Variants in GALNT17 observed in about 807,000 individuals in gnomAD.
GALNT17 encodes polypeptide N-acetylgalactosaminyltransferase 17, also known as UDP-GalNAc:polypeptide N-acetylgalactosaminyltransferase-like 3.
In GALNT17, 29 loss-of-function variants were observed where a neutral mutation model predicts 63.7. The observed-to-expected ratio is 0.46, with a 90% CI of 0.34 to 0.62. The LOEUF is 0.62. Ranked by LOEUF, GALNT17 falls within the 20% of genes least tolerant of loss-of-function variation. GALNT17 has a pLI of 0.01. For synonymous variants in GALNT17, 305 were observed against 318.3 expected (o/e 0.96, Z 0.45); for missense variants, 603 against 799.6 (o/e 0.75, Z 2.97).
At chr7:71,486,865 A>AC (rs1033524894) in intron 5 of GALNT17, among the ~76,000 whole-genome samples, 69 of 151,910 alleles carry the variant, frequency 4.5e-4, no homozygotes, top group African/African-American at 1.6e-3. Context: ...CCTGTCCAAA[A>AC]AAAAAAAACA....
intron 1 of GALNT17, among the ~76,000 whole-genome samples, chr7:71,139,172 G>A (rs1039232420): frequency 2.0e-5 from 3 of 152,104 alleles, no homozygotes; most frequent in African/African-American, 4.8e-5. Flanking sequence ...ACACAGCTAG[G>A]GAAGGGCAGA....
At chr7:71,274,454 A>AT in intron 1 of GALNT17, among the ~76,000 whole-genome samples, 1 of 151,872 alleles carries the variant, frequency 6.6e-6, no homozygotes, top group Non-Finnish European at 1.5e-5. Flanking sequence ...CAATTTTAAA[A>AT]TTTTTTGTAG....
At chr7:71,588,340 G>GT (rs1381571686) in intron 6 of GALNT17, among the ~76,000 whole-genome samples, 3 of 152,118 alleles carry the variant, frequency 2.0e-5, no homozygotes, top group African/African-American at 7.2e-5. Context: ...ATACTAACAA[G>GT]TTGATTGGAT....
intron 6 of GALNT17, among the ~76,000 whole-genome samples, chr7:71,638,504 C>T (rs1220152949): frequency 6.6e-6 from 1 of 152,112 alleles, no homozygotes; most frequent in Non-Finnish European, 1.5e-5. Context: ...TAGGAAAGGG[C>T]TTCTGGAAGA....
chr7:71,365,689 A>G (rs1279652411), intron 2 of GALNT17, among the ~76,000 whole-genome samples: 1 of 152,076 alleles, frequency 6.6e-6, no homozygotes, highest in Non-Finnish European at 1.5e-5. Context: ...TTTTAATTTA[A>G]AGAAAGTATC....
At chr7:71,388,470 G>A (rs1200125738) in intron 3 of GALNT17, 69 bp downstream of exon 3, 4 of 1,543,426 alleles carry the variant, frequency 2.6e-6, no homozygotes, top group African/African-American at 1.4e-5. Context: ...TCATTCCAAC[G>A]CGAGCCCGAG....
At chr7:71,433,406 G>A (rs1341018100) in intron 5 of GALNT17, among the ~76,000 whole-genome samples, 1 of 152,232 alleles carries the variant, frequency 6.6e-6, no homozygotes, top group Non-Finnish European at 1.5e-5. Flanking sequence ...TGGGGCTTTG[G>A]GGTAGAAGTG....
intron 6 of GALNT17, among the ~76,000 whole-genome samples, chr7:71,572,516 A>AC (rs201662668): frequency 0.037 from 3,628 of 99,348 alleles, 144 homozygotes; most frequent in African/African-American, 0.076. Context: ...AAAAAAAAAA[A>AC]AAAAAAAAAA....
rs371371505 is a variant in GALNT17, at chr7:71,482,079, A to ATGTGTGTGTGTGTGTGTGTG, written c.962+60975_962+60976insGTGTGTGTGTGTGTGTGTGT. On this transcript the variant is annotated intron_variant, in intron 5 of 10. Transcript: ENST00000333538. ...TTGATGTATAGGTATACATATATGT[A>ATGTGTGTGTGTGTGTGTGTG]TATGTGTGTGTGTGTGTGTGTGTGT... 8.4e-4 allele frequency among the ~76,000 whole-genome samples: 115 copies of ATGTGTGTGTGTGTGTGTGTG among 136,868 alleles called. 2 individuals are homozygous for ATGTGTGTGTGTGTGTGTGTG. In the South Asian group the frequency reaches 0.011, roughly 13 times the overall value. The allele number at this position is 136,868 out of a possible 152,430, so 89.8% of individuals were successfully genotyped here.
intron 6 of GALNT17, among the ~76,000 whole-genome samples, chr7:71,642,617 C>T (rs563890295): frequency 6.6e-6 from 1 of 152,190 alleles, no homozygotes; most frequent in South Asian, 2.1e-4. Flanking sequence ...AGGTGGATCA[C>T]TTGAGGTCAG....
chr7:71,421,622 A>G (rs988153898), intron 5 of GALNT17, among the ~76,000 whole-genome samples: 2 of 152,116 alleles, frequency 1.3e-5, no homozygotes, highest in Admixed American at 1.3e-4. Flanking sequence ...GGAGATCAAT[A>G]TCTTGAGGCA....
intron 6 of GALNT17, among the ~76,000 whole-genome samples, chr7:71,578,811 C>T (rs371220863): frequency 1.2e-4 from 19 of 152,212 alleles, no homozygotes; most frequent in South Asian, 8.3e-4. Flanking sequence ...TCCTGATCCC[C>T]GCCCTAGCCA....
At chr7:71,636,093 A>G (rs1450113689) in intron 6 of GALNT17, among the ~76,000 whole-genome samples, 2 of 152,192 alleles carry the variant, frequency 1.3e-5, no homozygotes, top group Non-Finnish European at 2.9e-5. Context: ...CTCTGGTTCA[A>G]ACGCCTCTGA....
chr7:71,289,510 C>T (rs774181562), intron 1 of GALNT17, among the ~76,000 whole-genome samples: 1 of 151,746 alleles, frequency 6.6e-6, no homozygotes, highest in African/African-American at 2.4e-5. Context: ...CCGAGGAGGG[C>T]GGATCACTTG....
chr7:71,307,115 C>T lies in GALNT17; in HGVS notation c.239-28435C>T, dbSNP rs559190750. On this transcript the variant is annotated intron_variant, in intron 1 of 10. Coordinates refer to ENST00000333538, the MANE Select transcript of GALNT17 (RefSeq NM_022479.3). ...CTGGGATGACAAGCGTGAGCCACCA[C>T]CCCTGGTCCCTGCTTTCATTTCTTT... Among the ~76,000 whole-genome samples the T allele has an allele frequency of 4.6e-5, 7 of 152,092 alleles. No individual in the cohort carries two copies. In the South Asian group the frequency reaches 1.5e-3, roughly 32 times the overall value.
At chr7:71,185,522 CT>C (rs747181057) in intron 1 of GALNT17, among the ~76,000 whole-genome samples, 1,516 of 124,562 alleles carry the variant, frequency 0.012, 11 homozygotes, top group Non-Finnish European at 0.016. Flanking sequence ...CGTTTCTTTT[CT>C]TTTTTTTTTT....
At chr7:71,216,682 ACAC>A (rs1789488106) in intron 1 of GALNT17, among the ~76,000 whole-genome samples, 1 of 152,052 alleles carries the variant, frequency 6.6e-6, no homozygotes, top group Admixed American at 6.6e-5. Context: ...ACAGACACAA[ACAC>A]ACACATATAC....
At chr7:71,195,228 T>G (rs1789024990) in intron 1 of GALNT17, among the ~76,000 whole-genome samples, 1 of 152,160 alleles carries the variant, frequency 6.6e-6, no homozygotes, top group Admixed American at 6.5e-5. Flanking sequence ...ATTTATTTAT[T>G]TTTTTCAGAT....
intron 5 of GALNT17, among the ~76,000 whole-genome samples, chr7:71,552,785 A>C (rs1456899909): frequency 2.6e-5 from 4 of 152,126 alleles, no homozygotes; most frequent in Non-Finnish European, 5.9e-5. Context: ...TTTTAGCCAA[A>C]AATGAAGGGT....
Sources: gnomAD v4.1 joint callset for allele counts (sites outside exome capture counted in the v4.1 genomes callset) on GRCh38, gnomAD v4.1.1 for gene constraint, MANE v1.5 for transcripts, NCBI Gene and HGNC (gene_info 2026-07-23, HGNC 2026-07-21) for gene names.